The following TIGAR variants were observed in gnomAD, a reference collection of about 807,000 sequenced individuals.
TIGAR encodes the protein TP53 induced glycolysis regulatory phosphatase.
TIGAR carries 7 observed loss-of-function variants against 17.9 expected under a neutral mutation model. That is an observed-to-expected ratio of 0.39 (90% CI 0.22 to 0.73). The LOEUF (loss-of-function observed/expected upper bound fraction) is 0.73. Ranked by LOEUF, TIGAR falls within the 30% of genes least tolerant of loss-of-function variation. The probability of loss-of-function intolerance (pLI) is 0.42; values close to 1 mark genes in which losing one functional copy is unlikely to be tolerated. For missense variants in TIGAR, 258 were observed against 327.4 expected (o/e 0.79, Z 1.64); for synonymous variants, 94 against 108.6 (o/e 0.87, Z 0.84).
At chr12:4,350,063 G>C (rs879339630) in intron 4 of TIGAR, among the ~76,000 whole-genome samples, 167 bp downstream of exon 4, 1 of 152,106 alleles carries the variant, frequency 6.6e-6, no homozygotes, top group Non-Finnish European at 1.5e-5. Flanking sequence ...TCGTATATAG[G>C]ATCTTATTAT....
chr12:4,331,282 G>C lies in TIGAR; in HGVS notation c.35G>C (p.Gly12Ala). 1 of 1,609,246 alleles carries C rather than the reference G, an allele frequency of 6.2e-7. No individual in the cohort carries two copies. Among genetic ancestry groups the C allele is most frequent in the Non-Finnish European group, 8.5e-7 (1 of 1,175,684 alleles). ...TTGTCCTTCTCTTTCTATTTTAGTG[G>C]AGAAACAAGATTTAACAAGGAGAAA... is the stretch of plus-strand genomic sequence containing the variant. ...ARFALTVVRH[G>A]ETRFNKEKII... Residue 12 changes from glycine (G) to alanine (A), a missense_variant and splice_region_variant, in exon 2 of 6, where the codon GGA becomes GCA. By Grantham distance (60) the Gly-to-Ala change is moderately conservative (BLOSUM62 0). Transcript: ENST00000179259.
intron 3 of TIGAR, among the ~76,000 whole-genome samples, chr12:4,341,316 A>G (rs555382031): frequency 1.7e-4 from 26 of 152,298 alleles, no homozygotes; most frequent in African/African-American, 6.3e-4. Context: ...GAACAGCTCC[A>G]GTCTGCAGCT....
chr12:4,343,117 G>A (rs766244463), intron 3 of TIGAR, among the ~76,000 whole-genome samples: 38 of 152,196 alleles, frequency 2.5e-4, no homozygotes, highest in Non-Finnish European at 5.1e-4. Flanking sequence ...CTTTAAACCA[G>A]CAAAGATCAG....
intron 1 of TIGAR, among the ~76,000 whole-genome samples, chr12:4,323,025 G>C (rs4553431): frequency 3.3e-5 from 5 of 151,106 alleles, no homozygotes; most frequent in African/African-American, 4.9e-5. Flanking sequence ...TAGCACGTTG[G>C]GGGGCGGAAG....
chr12:4,336,890 A>G, intron 2 of TIGAR, 149 bp from the exon 3 acceptor site: 2 of 887,802 alleles, frequency 2.3e-6, no homozygotes, highest in Non-Finnish European at 3.1e-6. Context: ...TTTACTTGCT[A>G]ATAACTCCCT....
At chr12:4,347,850 G>C (rs952313268) in intron 3 of TIGAR, among the ~76,000 whole-genome samples, 22 of 152,082 alleles carry the variant, frequency 1.4e-4, no homozygotes, top group Non-Finnish European at 1.6e-4. Context: ...AAATATGAGA[G>C]TTTAGCTGGG....
rs111676645 is a variant in TIGAR, at chr12:4,321,998, A to ATT, written c.32+707_32+708dup. On this transcript the variant is annotated intron_variant, in intron 1 of 5. Coordinates refer to ENST00000179259, the MANE Select transcript of TIGAR (RefSeq NM_020375.3). This position sits in a 1 kb window ranked among gnomAD's most constrained non-coding sequence, Gnocchi z 5.2. ...GTTAAGAGCACAGATTTTTATTTTTATTTTTTTTTTTTTGTGAGATGGAGC... is the reference window on the plus strand; with the variant it reads ...GTTAAGAGCACAGATTTTTATTTTTATTTTTTTTTTTTTTTGTGAGATGGAGC... 0.012 allele frequency among the ~76,000 whole-genome samples: 1,378 copies of ATT among 114,070 alleles called. 15 individuals are homozygous for ATT. Among genetic ancestry groups the ATT allele is most frequent in the African/African-American group, 0.038 (1,262 of 33,522 alleles). The allele number at this position is 114,070 out of a possible 152,430, so 74.8% of individuals were successfully genotyped here.
intron 3 of TIGAR, among the ~76,000 whole-genome samples, chr12:4,344,152 C>T (rs560539115): frequency 6.6e-5 from 10 of 152,216 alleles, no homozygotes; most frequent in African/African-American, 2.2e-4. Context: ...TCCTCGACAC[C>T]TACACCCTCC....
At chr12:4,322,487 A>T (rs1864491865) in intron 1 of TIGAR, among the ~76,000 whole-genome samples, 1 of 152,234 alleles carries the variant, frequency 6.6e-6, no homozygotes. Context: ...CTGAGAAATA[A>T]CTTCTATAAA....
In TIGAR at chr12:4,352,796, A is replaced by C; in HGVS notation, c.*105A>C. On this transcript the variant is annotated 3_prime_UTR_variant, in exon 6 of 6. Transcript: ENST00000179259. ...TAGTTCTGATTTGGAAACAGTTAAA[A>C]GCCAATTTTTAGCTCCAGTGGAACC... 4 of 1,158,886 alleles carry C rather than the reference A, an allele frequency of 3.5e-6. No homozygotes were observed. The highest frequency in any genetic ancestry group is 2.4e-6 in the Non-Finnish European group (2 of 840,742). The allele number at this position is 1,158,886 out of a possible 1,614,324, so 71.8% of individuals were successfully genotyped here.
chr12:4,356,667 C>A lies in TIGAR; in HGVS notation c.*3976C>A, dbSNP rs1390043598. ...GTGGGTTTGGACAAACGTATGAAGACATGTATTCCACCATTATAGTATCAT... is the reference window on the plus strand; with the variant it reads ...GTGGGTTTGGACAAACGTATGAAGAAATGTATTCCACCATTATAGTATCAT... On this transcript the variant is annotated 3_prime_UTR_variant, in exon 6 of 6. Transcript: ENST00000179259. Among the ~76,000 whole-genome samples, 2 of 152,176 alleles carry A rather than the reference C, an allele frequency of 1.3e-5. No individual in the cohort carries two copies. The highest frequency in any genetic ancestry group is 3.9e-4 in the East Asian group (2 of 5,192).
intron 3 of TIGAR, among the ~76,000 whole-genome samples, chr12:4,338,975 C>CAAAAAAAAAAAA (rs199840929): frequency 1.3e-4 from 5 of 38,184 alleles, no homozygotes; most frequent in South Asian, 1.4e-3. Flanking sequence ...AACTTTGTCT[C>CAAAAAAAAAAAA]ACAAAAAAAA....
chr12:4,324,385 A>T, intron 1 of TIGAR: 1 of 1,080,486 alleles, frequency 9.3e-7, no homozygotes, highest in South Asian at 1.3e-5. Context: ...CTTGAGGGGG[A>T]TGAAGCGGGA....
intron 3 of TIGAR, among the ~76,000 whole-genome samples, 174 bp from the exon 4 acceptor site, chr12:4,349,645 C>T (rs947524212): frequency 2.0e-5 from 3 of 152,114 alleles, no homozygotes; most frequent in Non-Finnish European, 4.4e-5. Context: ...TCTCGATCTC[C>T]TGACCTCATG....
chr12:4,337,749 G>C (rs1225731460), intron 3 of TIGAR, among the ~76,000 whole-genome samples: 2 of 152,186 alleles, frequency 1.3e-5, no homozygotes, highest in African/African-American at 2.4e-5. Flanking sequence ...CAGGTATTAG[G>C]ATTACCAGAT....
chr12:4,339,345 A>G (rs1184407506), intron 3 of TIGAR, among the ~76,000 whole-genome samples: 1 of 152,204 alleles, frequency 6.6e-6, no homozygotes, highest in African/African-American at 2.4e-5. Flanking sequence ...ACCAAGATTG[A>G]ACCAGGAAGA....
intron 1 of TIGAR, among the ~76,000 whole-genome samples, chr12:4,330,347 T>C (rs886502223): frequency 2.0e-5 from 3 of 152,188 alleles, no homozygotes; most frequent in African/African-American, 4.8e-5. Context: ...CATCACTGAA[T>C]CTTGTTGAGG....
intron 1 of TIGAR, chr12:4,324,692 A>C (rs903909504): frequency 1.1e-6 from 1 of 929,028 alleles, no homozygotes; most frequent in South Asian, 1.4e-5. Context: ...GGCCGCTGGC[A>C]CGCACTGTAC....
chr12:4,346,513 C>A (rs1443351694), intron 3 of TIGAR, among the ~76,000 whole-genome samples: 1 of 152,012 alleles, frequency 6.6e-6, no homozygotes, highest in African/African-American at 2.4e-5. Context: ...GGACAAAAAA[C>A]CAAACACCGC....
Sources: gnomAD v4.1 joint callset for allele counts (sites outside exome capture counted in the v4.1 genomes callset) on GRCh38, gnomAD v4.1.1 for gene constraint, Gnocchi (gnomAD v3.1) non-coding constraint, MANE v1.5 for transcripts, NCBI Gene and HGNC (gene_info 2026-07-23, HGNC 2026-07-21) for gene names.